MTUS2: variants seen among roughly 807,000 people sequenced by gnomAD.
MTUS2 encodes microtubule-associated tumor suppressor candidate 2.
In MTUS2, 40 loss-of-function variants were observed where a neutral mutation model predicts 114.1. The ratio of observed to expected loss-of-function variants is 0.35; its 90% CI spans 0.27 to 0.46. The LOEUF (loss-of-function observed/expected upper bound fraction) is 0.46, where lower values mean the gene tolerates loss of function less well. Among genes scored for constraint, MTUS2 ranks in the 20% least tolerant of loss-of-function variants. The probability of loss-of-function intolerance (pLI) is 1.00; values close to 1 mark genes in which losing one functional copy is unlikely to be tolerated. For synonymous variants in MTUS2, 688 were observed against 672.0 expected (o/e 1.02, Z -0.37); for missense variants, 1,679 against 1,705.4 (o/e 0.98, Z 0.27).
chr13:29,389,564 TGTGTAC>T lies in MTUS2; in HGVS notation c.3117+30092_3117+30097del, dbSNP rs1566173591. 2.7e-3 allele frequency among the ~76,000 whole-genome samples: 150 copies of T among 56,524 alleles called. 14 individuals are homozygous for T. In the East Asian group the frequency reaches 0.084, roughly 32 times the overall value. 37.1% of individuals were successfully genotyped at this position (56,524 alleles called of 152,430 possible). A position where few individuals can be genotyped will look rare whatever the true frequency, so the allele number is the denominator to read the frequency against. ...GTGTATATGTATACACGTGTGTATA[TGTGTAC>T]ATATGTGTGTATACGTATACATATG... is the stretch of plus-strand genomic sequence containing the variant. On this transcript the variant is annotated intron_variant, in intron 8 of 15. Transcript: ENST00000612955.
At chr13:29,106,055 G>A (rs1294936296) in intron 5 of MTUS2, among the ~76,000 whole-genome samples, 7 of 152,112 alleles carry the variant, frequency 4.6e-5, no homozygotes, top group Admixed American at 1.3e-4. Flanking sequence ...GAATGTGTCT[G>A]TTCAGGTCTC....
chr13:29,049,653 G>A (rs9508235), intron 4 of MTUS2, among the ~76,000 whole-genome samples: 88,782 of 152,058 alleles, frequency 0.58, 26,231 homozygotes, highest in South Asian at 0.74. Flanking sequence ...CTCAGGACAG[G>A]TCAGTGGAGC....
intron 5 of MTUS2, chr13:29,239,520 A>G (rs1390879203): frequency 6.6e-6 from 1 of 152,212 alleles, no homozygotes; most frequent in Non-Finnish European, 1.5e-5. Flanking sequence ...TGCTTCAATT[A>G]AATTCAGCAA....
At chr13:29,000,485 C>T (rs934575851) in intron 2 of MTUS2, among the ~76,000 whole-genome samples, 3 of 152,064 alleles carry the variant, frequency 2.0e-5, no homozygotes, top group African/African-American at 7.2e-5. Flanking sequence ...GCCTGAGCCT[C>T]CCAAGTAGCT....
chr13:29,442,215 C>T (rs141046138), intron 9 of MTUS2, among the ~76,000 whole-genome samples: 2,488 of 152,224 alleles, frequency 0.016, 36 homozygotes, highest in African/African-American at 0.044. Flanking sequence ...CCAAAATTCT[C>T]AATTCACAGC....
intron 4 of MTUS2, among the ~76,000 whole-genome samples, chr13:29,084,795 C>A (rs1593459097): frequency 7.6e-6 from 1 of 131,980 alleles, no homozygotes; most frequent in East Asian, 2.2e-4. Flanking sequence ...CCCCCCCTCA[C>A]CGTTGGCCTT....
chr13:29,021,727 A>G (rs1886298540), intron 2 of MTUS2, among the ~76,000 whole-genome samples: 1 of 152,200 alleles, frequency 6.6e-6, no homozygotes, highest in South Asian at 2.1e-4. Context: ...CTGTGATCTT[A>G]TTGATTTGCC....
intron 2 of MTUS2, among the ~76,000 whole-genome samples, chr13:28,994,126 C>A (rs948934004): frequency 5.3e-5 from 8 of 152,076 alleles, no homozygotes; most frequent in African/African-American, 1.9e-4. Context: ...TGTTCAATTA[C>A]CACCTATGAG....
intron 2 of MTUS2, among the ~76,000 whole-genome samples, chr13:28,982,320 T>A (rs937696259): frequency 6.0e-5 from 9 of 150,864 alleles, no homozygotes; most frequent in African/African-American, 2.0e-4. Context: ...AGCTACTACT[T>A]CACACCTATG....
chr13:29,372,574 G>A (rs936636091), intron 8 of MTUS2, among the ~76,000 whole-genome samples: 3 of 152,156 alleles, frequency 2.0e-5, no homozygotes, highest in African/African-American at 7.2e-5. Flanking sequence ...CCCAGATAAA[G>A]CCATGAAAGA....
In MTUS2 at chr13:29,305,281, A is replaced by G. The variant is rs554627036; in HGVS notation, c.2807-19332A>G. Among the ~76,000 whole-genome samples, 33 of 152,320 alleles carry G rather than the reference A, an allele frequency of 2.2e-4. No individual in the cohort carries two copies. In the South Asian group the frequency reaches 6.2e-3, roughly 29 times the overall value. ...AGCTAGCAGAAGACAAGGAATAACCAAGATCAGAGCAGAACTGAAGGAGAC... is the reference window on the plus strand; with the variant it reads ...AGCTAGCAGAAGACAAGGAATAACCGAGATCAGAGCAGAACTGAAGGAGAC... On this transcript the variant is annotated intron_variant, in intron 6 of 15. Transcript: ENST00000612955.
At chr13:28,992,944 T>A (rs181099016) in intron 2 of MTUS2, among the ~76,000 whole-genome samples, 42 of 152,318 alleles carry the variant, frequency 2.8e-4, no homozygotes, top group African/African-American at 1.0e-3. Context: ...TTGGTGACTC[T>A]AGGTACCTTA....
At chr13:29,078,554 T>C (rs1889300159) in intron 4 of MTUS2, among the ~76,000 whole-genome samples, 1 of 152,244 alleles carries the variant, frequency 6.6e-6, no homozygotes, top group Non-Finnish European at 1.5e-5. Context: ...TTTTAGTATA[T>C]TCACAGAATT....
At chr13:29,371,215 ACCACCC>A (rs1566159883) in intron 8 of MTUS2, among the ~76,000 whole-genome samples, 3 of 124,492 alleles carry the variant, frequency 2.4e-5, no homozygotes, top group East Asian at 2.2e-4. Context: ...CTTCACATTA[ACCACCC>A]CCCCCCCCTT....
intron 5 of MTUS2, among the ~76,000 whole-genome samples, chr13:29,136,973 C>T (rs1892004831): frequency 6.6e-6 from 1 of 152,108 alleles, no homozygotes; most frequent in South Asian, 2.1e-4. Context: ...TTGAAGGATA[C>T]CCATTTAGTG....
At chr13:28,986,514 A>T (rs749447844) in intron 2 of MTUS2, among the ~76,000 whole-genome samples, 1 of 152,192 alleles carries the variant, frequency 6.6e-6, no homozygotes, top group Non-Finnish European at 1.5e-5. Flanking sequence ...TTCTCACCAG[A>T]TGCAAAGAAC....
At chr13:28,927,835 C>A (rs191342145) in intron 2 of MTUS2, among the ~76,000 whole-genome samples, 19 of 152,150 alleles carry the variant, frequency 1.2e-4, no homozygotes, top group African/African-American at 4.1e-4. Context: ...AAGAAAAAGC[C>A]GGATGCATCA....
chr13:29,426,620 C>T (rs1451303905), intron 8 of MTUS2, among the ~76,000 whole-genome samples: 1 of 152,162 alleles, frequency 6.6e-6, no homozygotes, highest in Admixed American at 6.5e-5. Context: ...TAAGTGGAAT[C>T]GTACAGTATT....
intron 5 of MTUS2, among the ~76,000 whole-genome samples, chr13:29,249,353 T>G (rs541318860): frequency 6.6e-6 from 1 of 152,274 alleles, no homozygotes; most frequent in South Asian, 2.1e-4. Context: ...TCAAATGGTA[T>G]TTGTGGTTCT....
Sources: gnomAD v4.1 joint callset for allele counts (sites outside exome capture counted in the v4.1 genomes callset) on GRCh38, gnomAD v4.1.1 for gene constraint, MANE v1.5 for transcripts, NCBI Gene and HGNC (gene_info 2026-07-23, HGNC 2026-07-21) for gene names.